PPP2R2B: variants seen among roughly 807,000 people sequenced by gnomAD.
PPP2R2B encodes the protein serine/threonine-protein phosphatase 2A 55 kDa regulatory subunit B beta isoform.
Under a neutral mutation model 46.0 loss-of-function variants are expected in PPP2R2B, and 5 were observed. That is an observed-to-expected ratio of 0.11 (90% CI 0.06 to 0.23). The LOEUF is 0.23. Ranked by LOEUF, PPP2R2B falls within the 10% of genes least tolerant of loss-of-function variation. The pLI is 1.00. For missense variants in PPP2R2B, 367 were observed against 575.0 expected (o/e 0.64, Z 3.70); for synonymous variants, 215 against 206.7 (o/e 1.04, Z -0.34).
At chr5:147,078,807 CAAAAAA>C (rs35601188) in intron 2 of PPP2R2B, among the ~76,000 whole-genome samples, 1 of 106,210 alleles carries the variant, frequency 9.4e-6, no homozygotes. Context: ...GACTCCGTCT[CAAAAAA>C]AAAAAAAAAA....
chr5:146,907,317 G>A (rs749780570), intron 1 of PPP2R2B, among the ~76,000 whole-genome samples: 2 of 152,156 alleles, frequency 1.3e-5, no homozygotes, highest in Admixed American at 6.5e-5. Flanking sequence ...AGCCATCTAT[G>A]TGCATTTTCC....
chr5:146,977,307 C>T lies in PPP2R2B; in HGVS notation c.79+78358G>A, dbSNP rs367963080. On this transcript the variant is annotated intron_variant, in intron 1 of 8. Transcript: ENST00000336640. ...GCAGTGGGGCAAGCATAGTTCACTG[C>T]AGTCTTGAACTCCTGGGCTTAAACA... Among the ~76,000 whole-genome samples, 51 of 152,216 alleles carry T rather than the reference C, an allele frequency of 3.4e-4. 1 individual carries two copies. Among genetic ancestry groups the T allele is most frequent in the African/African-American group, 1.2e-3 (48 of 41,536 alleles).
intron 5 of PPP2R2B, among the ~76,000 whole-genome samples, chr5:146,684,010 A>G (rs1242644340): frequency 3.3e-5 from 5 of 152,314 alleles, no homozygotes; most frequent in African/African-American, 9.6e-5. Flanking sequence ...GAAATTACCC[A>G]TACTAGAATG....
intron 1 of PPP2R2B, among the ~76,000 whole-genome samples, chr5:146,903,290 T>C (rs1762893946): frequency 6.6e-6 from 1 of 152,284 alleles, no homozygotes; most frequent in South Asian, 2.1e-4. Flanking sequence ...TCTCAATCAT[T>C]TTTAAGGTTA....
intron 1 of PPP2R2B, among the ~76,000 whole-genome samples, chr5:147,014,797 G>T (rs1754919550): frequency 6.6e-6 from 1 of 151,894 alleles, no homozygotes; most frequent in Admixed American, 6.6e-5. Context: ...TGACGAGTTA[G>T]TGGGTGCAGT....
intron 2 of PPP2R2B, among the ~76,000 whole-genome samples, chr5:146,812,667 G>GTATATA (rs1186426182): frequency 0.028 from 18 of 638 alleles, 8 homozygotes; most frequent in Non-Finnish European, 0.047. Context: ...CCTCAGAAGA[G>GTATATA]TATATATATA....
At chr5:146,857,104 G>A (rs567138150) in intron 2 of PPP2R2B, among the ~76,000 whole-genome samples, 20 of 152,264 alleles carry the variant, frequency 1.3e-4, no homozygotes, top group African/African-American at 4.3e-4. Flanking sequence ...GATACTCAGC[G>A]TTTGGGGTAG....
chr5:146,970,183 C>G (rs1344219554), intron 1 of PPP2R2B, among the ~76,000 whole-genome samples: 1 of 152,150 alleles, frequency 6.6e-6, no homozygotes, highest in African/African-American at 2.4e-5. Flanking sequence ...ATAGAGAGAA[C>G]AACTATTTCC....
chr5:146,874,848 T>C (rs181663120), intron 2 of PPP2R2B, among the ~76,000 whole-genome samples: 57 of 152,196 alleles, frequency 3.7e-4, no homozygotes, highest in African/African-American at 1.3e-3. Context: ...AACCATTGTG[T>C]TGACTTTATT....
At chr5:146,741,596 G>A (rs553377410) in intron 2 of PPP2R2B, among the ~76,000 whole-genome samples, 105 of 152,194 alleles carry the variant, frequency 6.9e-4, no homozygotes, top group Middle Eastern at 3.4e-3. Context: ...AAGGGCGACC[G>A]CCTCTCGGGA....
chr5:147,046,239 T>G (rs138029951), intron 1 of PPP2R2B, among the ~76,000 whole-genome samples: 2 of 152,322 alleles, frequency 1.3e-5, no homozygotes, highest in African/African-American at 4.8e-5. Flanking sequence ...GTTGACAGAA[T>G]ACTGAATTTG....
At chr5:146,788,647 C>A (rs1355267621) in intron 2 of PPP2R2B, among the ~76,000 whole-genome samples, 1 of 152,134 alleles carries the variant, frequency 6.6e-6, no homozygotes, top group African/African-American at 2.4e-5. Flanking sequence ...AAGAGAATCC[C>A]TTGAACCCAG....
chr5:146,762,112 T>G (rs1754202205), intron 2 of PPP2R2B, among the ~76,000 whole-genome samples: 1 of 152,236 alleles, frequency 6.6e-6, no homozygotes, highest in Non-Finnish European at 1.5e-5. Context: ...TGGAATGATA[T>G]GATTTCATAC....
intron 2 of PPP2R2B, among the ~76,000 whole-genome samples, chr5:146,727,756 T>C (rs1751965213): frequency 6.6e-6 from 1 of 152,186 alleles, no homozygotes; most frequent in Non-Finnish European, 1.5e-5. Context: ...CATTATTAAC[T>C]ATAATCACCA....
At chr5:146,804,570 G>A (rs1462556502) in intron 2 of PPP2R2B, among the ~76,000 whole-genome samples, 1 of 152,072 alleles carries the variant, frequency 6.6e-6, no homozygotes, top group African/African-American at 2.4e-5. Flanking sequence ...ATAAATATTC[G>A]CCGGATGGAT....
rs150316003 is a variant in PPP2R2B, at chr5:146,643,183, CGAGA to C, written c.626-4772_626-4769del. On this transcript the variant is annotated intron_variant, in intron 6 of 9. Coordinates refer to ENST00000394411, the MANE Select transcript of PPP2R2B (RefSeq NM_181675.4). ...ACGTAAAAGATATTACACACACACA[CGAGA>C]GAGAGAGAGAGAGAGAGAGGGAGAC... Among the ~76,000 whole-genome samples the C allele has an allele frequency of 6.9e-3, 1,017 of 148,368 alleles. 5 individuals are homozygous for C. Among genetic ancestry groups the C allele is most frequent in the Middle Eastern group, 0.038 (11 of 288 alleles).
At position 146,651,688 on chromosome 5, in the gene PPP2R2B, C is replaced by T. The variant is rs567461092; in HGVS notation, c.448-964G>A. ...CACAGGTGTGGTCACTTAATAGAAA[C>T]AAGATAATAAAATAACCAAAGCTAT... On this transcript the variant is annotated intron_variant, in intron 5 of 9. Coordinates refer to ENST00000394411, the MANE Select transcript of PPP2R2B (RefSeq NM_181675.4). Among the ~76,000 whole-genome samples, 4 of 152,256 alleles carry T rather than the reference C, an allele frequency of 2.6e-5. No individual in the cohort carries two copies. In the East Asian group the frequency reaches 7.7e-4, roughly 29 times the overall value.
At chr5:146,671,111 G>A (rs1777336162) in intron 5 of PPP2R2B, among the ~76,000 whole-genome samples, 1 of 152,052 alleles carries the variant, frequency 6.6e-6, no homozygotes, top group South Asian at 2.1e-4. Context: ...CAAGAAAGGA[G>A]GGAATAACTT....
chr5:147,054,597 C>T (rs1756983190), intron 1 of PPP2R2B: 1 of 456,168 alleles, frequency 2.2e-6, no homozygotes, highest in East Asian at 6.9e-5. Context: ...TAAAAAATTA[C>T]CTTATGATAT....
Sources: allele counts gnomAD v4.1 joint callset (sites outside exome capture counted in the v4.1 genomes callset), GRCh38; gene constraint gnomAD v4.1.1; transcripts MANE v1.5; gene names NCBI Gene and HGNC (gene_info 2026-07-23, HGNC 2026-07-21).